TRIP13: variants seen among roughly 807,000 people sequenced by gnomAD.
TRIP13 encodes the protein pachytene checkpoint protein 2 homolog.
TRIP13 carries 25 observed loss-of-function variants against 54.4 expected under a neutral mutation model. That is an observed-to-expected ratio of 0.46 (90% confidence interval 0.33 to 0.64). The LOEUF (loss-of-function observed/expected upper bound fraction) is 0.64, where lower values mean the gene tolerates loss of function less well. TRIP13 is among the 30% of genes least tolerant of loss of function. The probability of loss-of-function intolerance (pLI) is 0.02; values close to 1 mark genes in which losing one functional copy is unlikely to be tolerated. For synonymous variants in TRIP13, 207 were observed against 207.8 expected, an observed-to-expected ratio of 1.00 and a Z score of 0.03; for missense variants, 373 against 534.2, an observed-to-expected ratio of 0.70 and a Z score of 2.97.
rs144143740 is a variant in TRIP13, at chr5:916,746, C to T, written c.1204-262C>T. Among the ~76,000 whole-genome samples, 269 of 152,332 alleles carry T rather than the reference C, an allele frequency of 1.8e-3. 2 individuals carry two copies. Among genetic ancestry groups the T allele is most frequent in the African/African-American group, 6.2e-3 (259 of 41,546 alleles). ...TGTGGGTGGCTGCCTTGGTGCTCCCCTGCCCACCCCCGCAGCTGTTTCTGA... is the reference window on the plus strand; with the variant it reads ...TGTGGGTGGCTGCCTTGGTGCTCCCTTGCCCACCCCCGCAGCTGTTTCTGA... On this transcript the variant is annotated intron_variant, in intron 12 of 12. Transcript: ENST00000166345.
intron 2 of TRIP13, among the ~76,000 whole-genome samples, chr5:895,155 G>A (rs1428725892): frequency 1.3e-5 from 2 of 152,224 alleles, no homozygotes; most frequent in Non-Finnish European, 2.9e-5. Context: ...GGTGCTCTCA[G>A]TATAGCAGTA....
intron 6 of TRIP13, among the ~76,000 whole-genome samples, chr5:905,107 A>G (rs1580055272): frequency 6.6e-6 from 1 of 151,960 alleles, no homozygotes; most frequent in Non-Finnish European, 1.5e-5. Flanking sequence ...AGGCATTTCC[A>G]TTACTTGTGA....
chr5:896,675 T>G lies in TRIP13; in HGVS notation c.269T>G (p.Leu90Trp). 6.2e-7 allele frequency: 1 copy of G among 1,608,912 alleles called. No homozygotes were observed. Among genetic ancestry groups the G allele is most frequent in the Non-Finnish European group, 8.5e-7 (1 of 1,176,498 alleles). ...TTTCCCTCATTTTAGCCCATCGATT[T>G]GAGTGCATGCACTGTTGCACTTCAC... ...LKVKDSQPID[L>W]SACTVALHIF... is the part of the protein sequence containing the mutation. The change falls in exon 3 of 13, where the codon TTG (leucine) becomes TGG (tryptophan). Residue 90 changes from leucine (L) to tryptophan (W), a missense_variant. Around this residue, in one of 4 missense-constraint regions of TRIP13, gnomAD observed 151 missense variants for 151.9 expected, o/e 0.99. Transcript: ENST00000166345.
rs1308781027 is a variant in TRIP13 at position 892,966 on chromosome 5, C to A, written c.-33C>A. The A allele has an allele frequency of 1.3e-6, 2 of 1,484,298 alleles. No individual in the cohort carries two copies. The highest frequency in any genetic ancestry group is 2.4e-5 in the Admixed American group (1 of 41,336). 91.9% of individuals were successfully genotyped at this position (1,484,298 alleles called of 1,614,324 possible). A position where few individuals can be genotyped will look rare whatever the true frequency, so the allele number is the denominator to read the frequency against. On this transcript the variant is annotated 5_prime_UTR_variant, in exon 1 of 13. Transcript: ENST00000166345. ...GGGCGTGAGGTGGCGGCGGCCGCGCCCTGGTTGGGTCCCCACTGCTCTCGG... is the reference window on the plus strand; with the variant it reads ...GGGCGTGAGGTGGCGGCGGCCGCGCACTGGTTGGGTCCCCACTGCTCTCGG...
chr5:915,735 G>A lies in TRIP13; in HGVS notation c.1134-169G>A, dbSNP rs567391219. On this transcript the variant is annotated intron_variant, in intron 11 of 12. Coordinates refer to ENST00000166345, the MANE Select transcript of TRIP13 (RefSeq NM_004237.4). This position sits in a 1 kb window ranked among gnomAD's most constrained non-coding sequence, Gnocchi z 4.2. ...GCCGGGGGCAAAGAGACATTCAGAG[G>A]GCAAGGCTCAGGAGACCAGTGAGGG... is the stretch of plus-strand genomic sequence containing the variant. Among the ~76,000 whole-genome samples the A allele has an allele frequency of 2.6e-4, 40 of 152,300 alleles. No individual in the cohort carries two copies. Among genetic ancestry groups the A allele is most frequent in the Non-Finnish European group, 5.0e-4 (34 of 68,016 alleles).
intron 1 of TRIP13, among the ~76,000 whole-genome samples, chr5:894,582 G>A (rs1485014899): frequency 1.3e-5 from 2 of 152,212 alleles, no homozygotes; most frequent in Non-Finnish European, 2.9e-5. Context: ...ACTGGGAGCT[G>A]AGGCACAGCT....
At chr5:893,383 C>A (rs1048311760) in intron 1 of TRIP13, among the ~76,000 whole-genome samples, 2 of 123,114 alleles carry the variant, frequency 1.6e-5, no homozygotes, top group East Asian at 1.9e-4. Context: ...CCTGACCCTG[C>A]CCCTGCCCCG....
chr5:914,418 C>T (rs759645161), intron 10 of TRIP13, 47 bp from the exon 11 acceptor site: 12 of 1,405,354 alleles, frequency 8.5e-6, no homozygotes, highest in South Asian at 4.6e-5. Context: ...TGCCTACGCT[C>T]AGGCCTCTGT....
intron 12 of TRIP13, 60 bp from the exon 13 acceptor site, chr5:916,948 G>A (rs1418021147): frequency 1.3e-6 from 2 of 1,530,942 alleles, no homozygotes; most frequent in Non-Finnish European, 1.8e-6. Context: ...GGCTGTGGAT[G>A]CCAGATGGCC....
chr5:901,507 C>A, intron 5 of TRIP13, 76 bp downstream of exon 5: 2 of 1,404,674 alleles, frequency 1.4e-6, no homozygotes, highest in Non-Finnish European at 2.0e-6. Context: ...CGTCCTTCTG[C>A]AAGGAGTTAC....
rs1560943092 is a variant in TRIP13, at chr5:894,809, A to C, written c.115A>C (p.Asn39His). Residue 39 changes from asparagine (N) to histidine (H), a missense_variant, in exon 2 of 13, where the codon AAC becomes CAC. Coordinates refer to ENST00000166345, the MANE Select transcript of TRIP13 (RefSeq NM_004237.4). ...TAGCACTGCAAAGAAAGAAGACATA[A>C]ACCTGAGTGTTAGAAAGCTACTCAA... ...GSSTAKKEDI[N>H]LSVRKLLNRH... 3 of 1,609,624 alleles carry C rather than the reference A, an allele frequency of 1.9e-6. No individual in the cohort carries two copies. The highest frequency in any genetic ancestry group is 2.5e-6 in the Non-Finnish European group (3 of 1,178,348).
intron 5 of TRIP13, among the ~76,000 whole-genome samples, chr5:903,432 T>G (rs1262383550): frequency 6.6e-6 from 1 of 152,160 alleles, no homozygotes; most frequent in Admixed American, 6.5e-5. Flanking sequence ...AAAGAGTAAT[T>G]GCTACAAATT....
Position 911,870 on chromosome 5 carries a change from T to A in TRIP13, c.894T>A (p.Thr298=). The change falls in exon 10 of 13, where the codon ACT becomes ACA. Residue 298 remains threonine (T), a synonymous_variant. Coordinates refer to ENST00000166345, the MANE Select transcript of TRIP13 (RefSeq NM_004237.4). The surrounding 1 kb of genome is among the most constrained non-coding windows in gnomAD (Gnocchi z 4.7). ...KRHSNVVILT[T]SNITEKIDVA... ...ATTCCAATGTTGTGATTCTGACCAC[T>A]TCTAACATCACCGAGAAGATCGACG... 1 of 1,613,482 alleles carries A rather than the reference T, an allele frequency of 6.2e-7. No individual in the cohort carries two copies. Among genetic ancestry groups the A allele is most frequent in the Non-Finnish European group, 8.5e-7 (1 of 1,179,838 alleles).
Position 907,719 on chromosome 5 carries a change from G to A in TRIP13, c.673-269G>A, listed in dbSNP as rs1224108069. On this transcript the variant is annotated intron_variant, in intron 7 of 12. Coordinates refer to ENST00000166345, the MANE Select transcript of TRIP13 (RefSeq NM_004237.4). The surrounding 1 kb of genome is among the most constrained non-coding windows in gnomAD (Gnocchi z 4.1). ...GAGAGGACACACAGGTAAAGCAGAGGTACAGGTCACCCTCACTGTGCCGCC... is the reference window on the plus strand; with the variant it reads ...GAGAGGACACACAGGTAAAGCAGAGATACAGGTCACCCTCACTGTGCCGCC... Among the ~76,000 whole-genome samples the A allele has an allele frequency of 6.6e-6, 1 of 152,236 alleles. No homozygotes were observed. The highest frequency in any genetic ancestry group is 1.5e-5 in the Non-Finnish European group (1 of 68,032).
Position 911,751 on chromosome 5 carries a change from C to T in TRIP13, c.867-92C>T, listed in dbSNP as rs903118473. ...TTCCTGTTGGCAGCCTGCTGGCCATCGTCCTGCCAACCTCCTTGCCAGATA... is the reference window on the plus strand; with the variant it reads ...TTCCTGTTGGCAGCCTGCTGGCCATTGTCCTGCCAACCTCCTTGCCAGATA... On this transcript the variant is annotated intron_variant, in intron 9 of 12. Coordinates refer to ENST00000166345, the MANE Select transcript of TRIP13 (RefSeq NM_004237.4). This position sits in a 1 kb window ranked among gnomAD's most constrained non-coding sequence, Gnocchi z 4.7. The T allele has an allele frequency of 8.8e-6, 13 of 1,478,348 alleles. No individual in the cohort carries two copies. Among genetic ancestry groups the T allele is most frequent in the African/African-American group, 4.2e-5 (3 of 71,142 alleles). The allele number at this position is 1,478,348 out of a possible 1,614,324, so 91.6% of individuals were successfully genotyped here.
intron 9 of TRIP13, among the ~76,000 whole-genome samples, chr5:909,612 T>C (rs181535871): frequency 2.0e-5 from 3 of 152,054 alleles, no homozygotes; most frequent in Admixed American, 6.5e-5. Flanking sequence ...CACACAAATA[T>C]AGAGGTGTGA....
At chr5:893,132 G>A in intron 1 of TRIP13, 42 bp downstream of exon 1, 1 of 1,264,114 alleles carries the variant, frequency 7.9e-7, no homozygotes, top group Non-Finnish European at 1.0e-6. Context: ...GCACCCACCC[G>A]CCCCGACCCC....
intron 9 of TRIP13, among the ~76,000 whole-genome samples, chr5:910,868 G>A (rs537304422): frequency 1.4e-4 from 21 of 152,306 alleles, no homozygotes; most frequent in Admixed American, 3.9e-4. Context: ...TTCCTCTGCC[G>A]GGGACCCACA....
At chr5:900,616 CCAA>C (rs1304552344) in intron 4 of TRIP13, 67 bp downstream of exon 4, 24 of 1,560,490 alleles carry the variant, frequency 1.5e-5, no homozygotes, top group Non-Finnish European at 8.7e-7. Context: ...GTTTTGCTCT[CCAA>C]CACCCCTGAG....
Sources: allele counts gnomAD v4.1 joint callset (sites outside exome capture counted in the v4.1 genomes callset), GRCh38; gene constraint gnomAD v4.1.1; regional missense constraint gnomAD v4.1.1; non-coding constraint Gnocchi (gnomAD v3.1); transcripts MANE v1.5; gene names NCBI Gene and HGNC (gene_info 2026-07-23, HGNC 2026-07-21).